Variants in TMEM117 observed in about 807,000 individuals in gnomAD.
The protein encoded by TMEM117 is transmembrane protein 117.
In TMEM117, 27 loss-of-function variants were observed where a neutral mutation model predicts 52.4. The observed-to-expected ratio is 0.51, with a 90% CI of 0.38 to 0.71. The LOEUF (loss-of-function observed/expected upper bound fraction) is 0.71, where lower values mean the gene tolerates loss of function less well. Among genes scored for constraint, TMEM117 ranks in the 30% least tolerant of loss-of-function variants. The pLI is 0.00. For synonymous variants in TMEM117, 215 were observed against 206.3 expected (o/e 1.04, Z -0.36); for missense variants, 556 against 630.5 (o/e 0.88, Z 1.26).
chr12:44,090,830 T>G (rs553707245), intron 3 of TMEM117, among the ~76,000 whole-genome samples: 2 of 149,610 alleles, frequency 1.3e-5, no homozygotes, highest in South Asian at 4.2e-4. Flanking sequence ...CTTAATCCTG[T>G]ATTTATGTGT....
At chr12:44,339,262 T>C (rs1951384247) in intron 6 of TMEM117, among the ~76,000 whole-genome samples, 1 of 152,026 alleles carries the variant, frequency 6.6e-6, no homozygotes, top group African/African-American at 2.4e-5. Context: ...AGATTGCAGG[T>C]AGAATCCAAG....
chr12:44,278,817 G>T (rs926970329), intron 5 of TMEM117, among the ~76,000 whole-genome samples: 2 of 152,022 alleles, frequency 1.3e-5, no homozygotes, highest in African/African-American at 4.8e-5. Flanking sequence ...TTCTTGTCTA[G>T]GCAGATGTAT....
At chr12:44,302,642 G>A (rs1424728616) in intron 6 of TMEM117, among the ~76,000 whole-genome samples, 1 of 152,192 alleles carries the variant, frequency 6.6e-6, no homozygotes, top group African/African-American at 2.4e-5. Context: ...TTACATGGCA[G>A]GAGTAGGCCC....
At chr12:44,254,180 G>T (rs190952893) in intron 5 of TMEM117, among the ~76,000 whole-genome samples, 2 of 151,954 alleles carry the variant, frequency 1.3e-5, no homozygotes, top group East Asian at 1.9e-4. Context: ...CAAGTAAAAA[G>T]ATTTATATAT....
At chr12:43,999,355 A>G (rs117175631) in intron 3 of TMEM117, among the ~76,000 whole-genome samples, 2,446 of 152,330 alleles carry the variant, frequency 0.016, 25 homozygotes, top group Middle Eastern at 0.027. Flanking sequence ...GCTAAGTGCT[A>G]TGTTTCTTCT....
At chr12:44,315,828 T>G (rs1951046795) in intron 6 of TMEM117, among the ~76,000 whole-genome samples, 2 of 152,322 alleles carry the variant, frequency 1.3e-5, no homozygotes, top group South Asian at 4.1e-4. Context: ...TTTCCTATTT[T>G]ATTATTGCTG....
intron 3 of TMEM117, among the ~76,000 whole-genome samples, chr12:44,065,787 A>G (rs907833792): frequency 1.8e-4 from 28 of 152,212 alleles, no homozygotes; most frequent in African/African-American, 6.0e-4. Context: ...AAAAATACCT[A>G]GCTAACATTC....
chr12:44,038,791 T>A (rs1370623045), intron 3 of TMEM117, among the ~76,000 whole-genome samples: 1 of 152,240 alleles, frequency 6.6e-6, no homozygotes, highest in Non-Finnish European at 1.5e-5. Context: ...TTAGGAGTTG[T>A]TTAAATGCTT....
intron 3 of TMEM117, among the ~76,000 whole-genome samples, chr12:44,054,078 GA>G (rs1443737791): frequency 6.6e-6 from 1 of 152,110 alleles, no homozygotes; most frequent in Non-Finnish European, 1.5e-5. Context: ...GATAACTAGT[GA>G]CATATTTTTA....
chr12:44,304,825 C>CA (rs1950884865), intron 6 of TMEM117, among the ~76,000 whole-genome samples: 1 of 152,218 alleles, frequency 6.6e-6, no homozygotes, highest in South Asian at 2.1e-4. Context: ...AGGCAGTACT[C>CA]ACTGCAGCCT....
At chr12:43,983,234 A>T (rs1945789819) in intron 3 of TMEM117, among the ~76,000 whole-genome samples, 1 of 152,130 alleles carries the variant, frequency 6.6e-6, no homozygotes, top group African/African-American at 2.4e-5. Context: ...ACATGGTGGC[A>T]GCCTTCTAAA....
intron 4 of TMEM117, among the ~76,000 whole-genome samples, chr12:44,181,127 G>GT (rs1949191691): frequency 6.6e-6 from 1 of 150,444 alleles, no homozygotes; most frequent in Admixed American, 6.7e-5. Flanking sequence ...TTTTTCATGT[G>GT]TTTTTTGGCT....
At chr12:43,844,529 CA>C in intron 1 of TMEM117, 94 bp from the exon 2 acceptor site, 1 of 1,163,532 alleles carries the variant, frequency 8.6e-7, no homozygotes, top group Non-Finnish European at 1.2e-6. Context: ...TTTCCAAATA[CA>C]TTTTTATGGA....
chr12:44,295,677 G>GGTT (rs1950759359), intron 5 of TMEM117, among the ~76,000 whole-genome samples: 1 of 140,356 alleles, frequency 7.1e-6, no homozygotes, highest in African/African-American at 2.7e-5. Context: ...CAGGATTTCT[G>GGTT]TTTTTTTTTT....
At chr12:44,003,134 C>G (rs997675989) in intron 3 of TMEM117, among the ~76,000 whole-genome samples, 11 of 149,218 alleles carry the variant, frequency 7.4e-5, no homozygotes, top group Non-Finnish European at 1.5e-4. Context: ...CTCTGGCCCC[C>G]TCCTCCTCTA....
intron 2 of TMEM117, among the ~76,000 whole-genome samples, chr12:43,855,982 G>A (rs1943393566): frequency 6.6e-6 from 1 of 152,130 alleles, no homozygotes; most frequent in Non-Finnish European, 1.5e-5. Flanking sequence ...ACAATGATAT[G>A]GGTATGGTTT....
chr12:43,864,697 T>G (rs1943553539), intron 2 of TMEM117, among the ~76,000 whole-genome samples: 1 of 152,166 alleles, frequency 6.6e-6, no homozygotes, highest in Admixed American at 6.5e-5. Flanking sequence ...ATCAGCTCTC[T>G]GTGAAATAGA....
intron 3 of TMEM117, among the ~76,000 whole-genome samples, chr12:44,133,274 T>C (rs765861368): frequency 1.3e-5 from 2 of 152,134 alleles, no homozygotes; most frequent in Non-Finnish European, 2.9e-5. Flanking sequence ...TGGGCATCAG[T>C]TGAGGAGAGG....
intron 3 of TMEM117, among the ~76,000 whole-genome samples, chr12:44,126,441 A>G (rs1298306704): frequency 6.6e-6 from 1 of 152,174 alleles, no homozygotes; most frequent in African/African-American, 2.4e-5. Flanking sequence ...AGATTTAACA[A>G]ATATTCTCTA....
Sources: allele counts gnomAD v4.1 joint callset (sites outside exome capture counted in the v4.1 genomes callset), GRCh38; gene constraint gnomAD v4.1.1; transcripts MANE v1.5; gene names NCBI Gene and HGNC (gene_info 2026-07-23, HGNC 2026-07-21).